The following SUCLG2 variants were observed in gnomAD, a reference collection of about 807,000 sequenced individuals.
SUCLG2 encodes succinate--CoA ligase [GDP-forming] subunit beta, mitochondrial.
Under a neutral mutation model 47.9 loss-of-function variants are expected in SUCLG2, and 42 were observed. The observed-to-expected ratio is 0.88, with a 90% CI of 0.69 to 1.14. SUCLG2 has a LOEUF of 1.14. Among genes scored for constraint, SUCLG2 ranks in the 50% most tolerant of loss-of-function variants. The probability of loss-of-function intolerance (pLI) is 0.00; values close to 1 mark genes in which losing one functional copy is unlikely to be tolerated. For missense variants in SUCLG2, 571 were observed against 525.9 expected, an observed-to-expected ratio of 1.09 and a Z score of -0.84; for synonymous variants, 195 against 197.3, an observed-to-expected ratio of 0.99 and a Z score of 0.10.
At chr3:67,447,822 G>A (rs892502669) in intron 9 of SUCLG2, among the ~76,000 whole-genome samples, 2 of 152,116 alleles carry the variant, frequency 1.3e-5, no homozygotes, top group African/African-American at 2.4e-5. Flanking sequence ...CTCTGCTCCC[G>A]GGTTCAAGTG....
chr3:67,524,898 T>G (rs1290489570), intron 4 of SUCLG2, among the ~76,000 whole-genome samples: 1 of 152,208 alleles, frequency 6.6e-6, no homozygotes, highest in East Asian at 1.9e-4. Flanking sequence ...CCAAAAACAT[T>G]AACAGGCACA....
chr3:67,456,919 G>A (rs1318104821), intron 9 of SUCLG2, among the ~76,000 whole-genome samples: 1 of 151,864 alleles, frequency 6.6e-6, no homozygotes, highest in Non-Finnish European at 1.5e-5. Context: ...AACAACTCCA[G>A]GTTATTTTCC....
At chr3:67,466,824 G>T (rs958630342) in intron 9 of SUCLG2, among the ~76,000 whole-genome samples, 1 of 152,168 alleles carries the variant, frequency 6.6e-6, no homozygotes, top group Non-Finnish European at 1.5e-5. Flanking sequence ...GAAACGTATG[G>T]ACAGTAAGGT....
intron 9 of SUCLG2, among the ~76,000 whole-genome samples, chr3:67,484,157 T>C (rs556782017): frequency 5.3e-5 from 8 of 152,326 alleles, no homozygotes; most frequent in Non-Finnish European, 7.4e-5. Flanking sequence ...CTGTACGCAT[T>C]GCCTCTGGCT....
At chr3:67,383,462 A>T (rs1702200520) in intron 10 of SUCLG2, among the ~76,000 whole-genome samples, 1 of 152,210 alleles carries the variant, frequency 6.6e-6, no homozygotes. Flanking sequence ...ATTAAAGATG[A>T]CATAAGATAT....
intron 9 of SUCLG2, among the ~76,000 whole-genome samples, chr3:67,493,744 C>A (rs902837532): frequency 6.6e-6 from 1 of 151,966 alleles, no homozygotes; most frequent in Non-Finnish European, 1.5e-5. Context: ...CTGTGTGTCT[C>A]GGTATTTACA....
intron 2 of SUCLG2, among the ~76,000 whole-genome samples, chr3:67,600,850 G>A (rs1344534341): frequency 6.6e-6 from 1 of 152,140 alleles, no homozygotes; most frequent in Non-Finnish European, 1.5e-5. Flanking sequence ...AAAACAAAAG[G>A]AGCCTGGGTT....
At chr3:67,616,416 ATGTG>A (rs1700629826) in intron 1 of SUCLG2, among the ~76,000 whole-genome samples, 2 of 152,208 alleles carry the variant, frequency 1.3e-5, no homozygotes, top group African/African-American at 4.8e-5. Flanking sequence ...TGAAGCAATA[ATGTG>A]TATCTTCTAA....
intron 9 of SUCLG2, among the ~76,000 whole-genome samples, chr3:67,446,803 T>C (rs1044263540): frequency 1.3e-4 from 20 of 152,234 alleles, no homozygotes; most frequent in African/African-American, 4.8e-4. Flanking sequence ...GGTATTTCAC[T>C]TTTAGAAAAA....
intron 10 of SUCLG2, among the ~76,000 whole-genome samples, chr3:67,379,431 T>A (rs1019544856): frequency 1.3e-5 from 2 of 152,176 alleles, no homozygotes; most frequent in Admixed American, 6.5e-5. Flanking sequence ...TTATCACGGT[T>A]CCCACTTATT....
intron 1 of SUCLG2, among the ~76,000 whole-genome samples, chr3:67,616,570 T>A (rs1700633556): frequency 6.6e-6 from 1 of 152,202 alleles, no homozygotes; most frequent in South Asian, 2.1e-4. Flanking sequence ...AATAATGAAT[T>A]TTTAAATAAA....
At chr3:67,529,519 T>G (rs1706345831) in intron 2 of SUCLG2, among the ~76,000 whole-genome samples, 1 of 152,148 alleles carries the variant, frequency 6.6e-6, no homozygotes, top group Admixed American at 6.5e-5. Context: ...AATTTTACTG[T>G]GTAATGGCAC....
chr3:67,514,526 G>A lies in SUCLG2; in HGVS notation c.660+3721C>T, dbSNP rs140967285. On this transcript the variant is annotated intron_variant, in intron 6 of 10. Coordinates refer to ENST00000307227, the MANE Select transcript of SUCLG2 (RefSeq NM_003848.4). ...GATCTTGCACTGACTTGGACCATCC[G>A]ATCTTTTCATCAGCCTAAACCTTAG... Among the ~76,000 whole-genome samples the A allele has an allele frequency of 3.9e-5, 6 of 152,268 alleles. No homozygotes were observed. The East Asian group carries it at 5.8e-4, about 15-fold the overall frequency.
chr3:67,399,636 C>T (rs1427003572), intron 10 of SUCLG2, among the ~76,000 whole-genome samples: 1 of 152,032 alleles, frequency 6.6e-6, no homozygotes, highest in Non-Finnish European at 1.5e-5. Context: ...TTATATTGTA[C>T]ATTGAAATGA....
At chr3:67,373,767 C>T (rs907695186), downstream of SUCLG2, among the ~76,000 whole-genome samples, 14 of 152,040 alleles carry the variant, frequency 9.2e-5, no homozygotes, top group Non-Finnish European at 1.9e-4. Context: ...CCTCTGCTCC[C>T]TCTCTCTTTC....
At chr3:67,434,171 A>C (rs1160489497) in intron 9 of SUCLG2, among the ~76,000 whole-genome samples, 2 of 152,212 alleles carry the variant, frequency 1.3e-5, no homozygotes, top group African/African-American at 4.8e-5. Flanking sequence ...GCACACAAAT[A>C]TATATGATCA....
chr3:67,374,271 T>C (rs1380731546), downstream of SUCLG2, among the ~76,000 whole-genome samples: 2 of 152,222 alleles, frequency 1.3e-5, no homozygotes, highest in African/African-American at 2.4e-5. Flanking sequence ...AACATGGCTC[T>C]AAACAATAAT....
chr3:67,383,434 C>T (rs886065621), intron 10 of SUCLG2, among the ~76,000 whole-genome samples: 1 of 152,062 alleles, frequency 6.6e-6, no homozygotes, highest in African/African-American at 2.4e-5. Flanking sequence ...TGCTTTGTAC[C>T]CCTAACATTT....
chr3:67,531,218 T>C (rs1280334831), intron 2 of SUCLG2, among the ~76,000 whole-genome samples: 1 of 152,188 alleles, frequency 6.6e-6, no homozygotes, highest in East Asian at 1.9e-4. Flanking sequence ...ACATTTCCTG[T>C]TTTTCTTTGG....
Sources: gnomAD v4.1 joint callset for allele counts (sites outside exome capture counted in the v4.1 genomes callset) on GRCh38, gnomAD v4.1.1 for gene constraint, MANE v1.5 for transcripts, NCBI Gene and HGNC (gene_info 2026-07-23, HGNC 2026-07-21) for gene names.